RBFOX1: variants seen among roughly 807,000 people sequenced by gnomAD.
RBFOX1 encodes the protein RNA binding fox-1 homolog 1.
In RBFOX1, 8 loss-of-function variants were observed where a neutral mutation model predicts 57.7. The ratio of observed to expected loss-of-function variants is 0.14; its 90% CI spans 0.08 to 0.25. The LOEUF is 0.25. Among genes scored for constraint, RBFOX1 ranks in the 10% least tolerant of loss-of-function variants. The probability of loss-of-function intolerance (pLI) is 1.00; values close to 1 mark genes in which losing one functional copy is unlikely to be tolerated. For synonymous variants in RBFOX1, 326 were observed against 222.4 expected, an observed-to-expected ratio of 1.47 and a Z score of -4.15; for missense variants, 611 against 548.5, an observed-to-expected ratio of 1.11 and a Z score of -1.14.
intron 3 of RBFOX1, among the ~76,000 whole-genome samples, chr16:5,783,817 C>G (rs2054405915): frequency 6.6e-6 from 1 of 152,126 alleles, no homozygotes; most frequent in African/African-American, 2.4e-5. Context: ...CTCCCTAGTG[C>G]ATATTTTGGC....
At chr16:5,283,090 C>A (rs1339501265) in intron 1 of RBFOX1, among the ~76,000 whole-genome samples, 1 of 152,222 alleles carries the variant, frequency 6.6e-6, no homozygotes, top group South Asian at 2.1e-4. Flanking sequence ...TAGGCTGTGA[C>A]TTCAGAGGGT....
At chr16:6,139,972 T>A (rs1302770001) in intron 1 of RBFOX1, among the ~76,000 whole-genome samples, 1 of 152,186 alleles carries the variant, frequency 6.6e-6, no homozygotes, top group Non-Finnish European at 1.5e-5. Flanking sequence ...AAGGAACTGC[T>A]CCTCTCAAGA....
At chr16:6,558,548 C>G (rs1033977864) in intron 2 of RBFOX1, among the ~76,000 whole-genome samples, 2 of 152,122 alleles carry the variant, frequency 1.3e-5, no homozygotes, top group African/African-American at 2.4e-5. Context: ...TTTGTCATGA[C>G]TTTCAAAAGT....
At chr16:6,025,463 T>C (rs2095172275) in intron 1 of RBFOX1, among the ~76,000 whole-genome samples, 1 of 152,222 alleles carries the variant, frequency 6.6e-6, no homozygotes, top group Non-Finnish European at 1.5e-5. Context: ...TTAGATTTTC[T>C]TTCTCTGGGG....
intron 2 of RBFOX1, among the ~76,000 whole-genome samples, chr16:6,377,412 G>A (rs1031607218): frequency 1.3e-5 from 2 of 152,100 alleles, no homozygotes; most frequent in African/African-American, 2.4e-5. Flanking sequence ...TGACATTCTG[G>A]GGGGCCATGG....
intron 15 of RBFOX1, 21 bp downstream of exon 15, chr16:7,709,152 G>A: frequency 6.3e-7 from 1 of 1,589,844 alleles, no homozygotes; most frequent in Non-Finnish European, 8.6e-7. Flanking sequence ...GTTTCTCCTT[G>A]TCCTCACTTC....
At chr16:7,142,623 C>A (rs1246734806) in intron 4 of RBFOX1, among the ~76,000 whole-genome samples, 1 of 152,162 alleles carries the variant, frequency 6.6e-6, no homozygotes, top group Non-Finnish European at 1.5e-5. Flanking sequence ...ATCTTCTGGA[C>A]TGTCAATCAG....
chr16:6,112,056 G>A (rs2035594), intron 1 of RBFOX1, among the ~76,000 whole-genome samples: 105,851 of 151,982 alleles, frequency 0.7, 38,085 homozygotes, highest in African/African-American at 0.88. Context: ...ATTGAATGAA[G>A]TATTTCACAT....
At position 6,381,263 on chromosome 16, in the gene RBFOX1, G is replaced by T. The variant is rs74007321; in HGVS notation, c.-64+64206G>T. Among the ~76,000 whole-genome samples, 399 of 152,294 alleles carry T rather than the reference G, an allele frequency of 2.6e-3. 2 individuals carry two copies. Among genetic ancestry groups the T allele is most frequent in the African/African-American group, 9.1e-3 (380 of 41,570 alleles). Reference sequence around the variant, plus strand: ...CGTAGTGATGAGGTCTAAGCATTTAGTGTACCCATCACTGGAATAGTAAAC... The same window carrying T: ...CGTAGTGATGAGGTCTAAGCATTTATTGTACCCATCACTGGAATAGTAAAC... On this transcript the variant is annotated intron_variant, in intron 2 of 15. Coordinates refer to ENST00000550418, the MANE Select transcript of RBFOX1 (RefSeq NM_018723.4).
chr16:7,250,383 C>T (rs993229423), intron 4 of RBFOX1, among the ~76,000 whole-genome samples: 1 of 152,092 alleles, frequency 6.6e-6, no homozygotes, highest in African/African-American at 2.4e-5. Flanking sequence ...GCTTTAAAGC[C>T]AGCTTAATGA....
At position 6,970,581 on chromosome 16, in the gene RBFOX1, C is replaced by A. The variant is rs533026763; in HGVS notation, c.-15-81476C>A. On this transcript the variant is annotated intron_variant, in intron 3 of 15. Transcript: ENST00000550418. Reference sequence around the variant, plus strand: ...TATAACTGGTGCCCTGGCGTTGTGTCTTCACATGGTGGAAGGGAAAAAGCA... The same window carrying A: ...TATAACTGGTGCCCTGGCGTTGTGTATTCACATGGTGGAAGGGAAAAAGCA... 1.9e-4 allele frequency among the ~76,000 whole-genome samples: 29 copies of A among 152,238 alleles called. 1 individual carries two copies. The South Asian group carries it at 5.8e-3, about 31-fold the overall frequency.
At chr16:6,605,630 A>T in intron 2 of RBFOX1, among the ~76,000 whole-genome samples, 1 of 152,234 alleles carries the variant, frequency 6.6e-6, no homozygotes, top group South Asian at 2.1e-4. Flanking sequence ...CAGAGTGAAA[A>T]CTTAATACTC....
rs568633142 is a variant in RBFOX1, at chr16:6,597,245, G to A, written c.-63-57358G>A. On this transcript the variant is annotated intron_variant, in intron 2 of 15. Coordinates refer to ENST00000550418, the MANE Select transcript of RBFOX1 (RefSeq NM_018723.4). ...AGGAGGTGGAGAAGTAGTTGGGTGC[G>A]TATTCACCTAGACTTTGTTTTGCAG... Among the ~76,000 whole-genome samples the A allele has an allele frequency of 3.9e-5, 6 of 152,204 alleles. No homozygotes were observed. The East Asian group carries it at 5.8e-4, about 15-fold the overall frequency.
At chr16:6,512,060 C>T (rs899670132) in intron 2 of RBFOX1, among the ~76,000 whole-genome samples, 3 of 151,368 alleles carry the variant, frequency 2.0e-5, no homozygotes, top group African/African-American at 4.9e-5. Flanking sequence ...CCCTTGAGCC[C>T]AGGAGTTCAA....
chr16:6,826,247 T>G (rs12149339), intron 3 of RBFOX1, among the ~76,000 whole-genome samples: 45,765 of 151,974 alleles, frequency 0.3, 7,137 homozygotes, highest in African/African-American at 0.33. Flanking sequence ...TGTGGTGCCT[T>G]GTACCTGTAA....
intron 4 of RBFOX1, among the ~76,000 whole-genome samples, chr16:5,923,839 C>G (rs918577129): frequency 1.3e-5 from 2 of 151,966 alleles, no homozygotes; most frequent in East Asian, 3.9e-4. Context: ...CCGTACCTAG[C>G]CTCCAGAGCC....
At chr16:6,779,027 C>G (rs972292333) in intron 3 of RBFOX1, among the ~76,000 whole-genome samples, 4 of 151,878 alleles carry the variant, frequency 2.6e-5, no homozygotes, top group African/African-American at 7.3e-5. Flanking sequence ...TCCAAAACTA[C>G]TACTCTAGTT....
intron 14 of RBFOX1, among the ~76,000 whole-genome samples, chr16:7,698,774 A>G (rs1308793585): frequency 6.6e-6 from 1 of 152,212 alleles, no homozygotes; most frequent in Non-Finnish European, 1.5e-5. Flanking sequence ...CTAAGGGGCC[A>G]TATAAGCAAA....
chr16:6,468,868 C>T (rs970577849), intron 2 of RBFOX1, among the ~76,000 whole-genome samples: 5 of 151,960 alleles, frequency 3.3e-5, no homozygotes, highest in African/African-American at 1.2e-4. Context: ...GTTCATTGTA[C>T]AGATTATTTC....
Sources: gnomAD v4.1 joint callset for allele counts (sites outside exome capture counted in the v4.1 genomes callset) on GRCh38, gnomAD v4.1.1 for gene constraint, MANE v1.5 for transcripts, NCBI Gene and HGNC (gene_info 2026-07-23, HGNC 2026-07-21) for gene names.